The following NALCN variants were observed in gnomAD, a reference collection of about 807,000 sequenced individuals.
NALCN encodes the protein sodium leak channel, non-selective.
In NALCN, 111 loss-of-function variants were observed where a neutral mutation model predicts 225.3. The observed-to-expected ratio is 0.49, with a 90% CI of 0.42 to 0.58. NALCN has a LOEUF of 0.58. Ranked by LOEUF, NALCN falls within the 20% of genes least tolerant of loss-of-function variation. The pLI, the probability that NALCN is intolerant of heterozygous loss-of-function variation, is 0.00. For synonymous variants in NALCN, 764 were observed against 769.0 expected, an observed-to-expected ratio of 0.99 and a Z score of 0.11; for missense variants, 1,378 against 2,202.4, an observed-to-expected ratio of 0.63 and a Z score of 7.49.
intron 13 of NALCN, among the ~76,000 whole-genome samples, chr13:101,225,051 C>G (rs903885179): frequency 1.3e-5 from 2 of 152,172 alleles, no homozygotes; most frequent in Admixed American, 6.5e-5. Context: ...TGCGCTGCCC[C>G]TGGTGCCCAA....
intron 7 of NALCN, among the ~76,000 whole-genome samples, chr13:101,313,335 AT>A (rs1310018247): frequency 1.3e-5 from 2 of 152,220 alleles, no homozygotes; most frequent in Non-Finnish European, 1.5e-5. Flanking sequence ...GACAAATGGG[AT>A]TTAATTAAAC....
At chr13:101,160,290 A>G (rs1441529630) in intron 15 of NALCN, among the ~76,000 whole-genome samples, 2 of 152,050 alleles carry the variant, frequency 1.3e-5, no homozygotes, top group Non-Finnish European at 2.9e-5. Flanking sequence ...GTCCCTTCTA[A>G]ATTTCCTTCC....
intron 7 of NALCN, among the ~76,000 whole-genome samples, chr13:101,337,300 A>T (rs1456399393): frequency 6.7e-6 from 1 of 149,074 alleles, no homozygotes; most frequent in Non-Finnish European, 1.5e-5. Flanking sequence ...TTATTTATTT[A>T]TTTATTTATT....
chr13:101,351,231 G>A (rs571602331), intron 6 of NALCN, among the ~76,000 whole-genome samples: 82 of 152,220 alleles, frequency 5.4e-4, no homozygotes, highest in African/African-American at 1.8e-3. Flanking sequence ...GCACTTTTAA[G>A]TGTAATAATC....
intron 6 of NALCN, among the ~76,000 whole-genome samples, chr13:101,346,087 C>CTCTCTCTATATATA: frequency 1.5e-3 from 109 of 70,944 alleles, no homozygotes; most frequent in East Asian, 4.6e-3. Context: ...CTCTCTCTCT[C>CTCTCTCTATATATA]TATATATATA....
At chr13:101,363,379 A>G (rs2046300089) in intron 6 of NALCN, among the ~76,000 whole-genome samples, 1 of 152,098 alleles carries the variant, frequency 6.6e-6, no homozygotes, top group East Asian at 1.9e-4. Context: ...TGGTACTGGT[A>G]AAAAAACAGA....
intron 10 of NALCN, among the ~76,000 whole-genome samples, chr13:101,261,174 G>A (rs762733078): frequency 8.5e-5 from 13 of 152,258 alleles, no homozygotes; most frequent in Non-Finnish European, 1.2e-4. Flanking sequence ...GTTCACTGTA[G>A]GTGTGTGGAT....
intron 3 of NALCN, among the ~76,000 whole-genome samples, chr13:101,384,230 C>G (rs1203619173): frequency 6.6e-6 from 1 of 151,956 alleles, no homozygotes; most frequent in African/African-American, 2.4e-5. Context: ...ATTTTAACAC[C>G]TTAAATATGA....
intron 7 of NALCN, among the ~76,000 whole-genome samples, chr13:101,324,907 T>A (rs973664156): frequency 1.3e-5 from 2 of 152,214 alleles, no homozygotes; most frequent in Non-Finnish European, 2.9e-5. Context: ...ATATTGGCTG[T>A]GGTTTTGTCA....
intron 7 of NALCN, among the ~76,000 whole-genome samples, chr13:101,317,419 A>T (rs914156431): frequency 6.6e-6 from 1 of 152,178 alleles, no homozygotes; most frequent in African/African-American, 2.4e-5. Context: ...GCCAATCTCC[A>T]TCTGAAAAGT....
At chr13:101,353,982 C>T (rs1566608344) in intron 6 of NALCN, among the ~76,000 whole-genome samples, 1 of 152,128 alleles carries the variant, frequency 6.6e-6, no homozygotes, top group Non-Finnish European at 1.5e-5. Flanking sequence ...GTGCACCTGA[C>T]AGAAGCCAGA....
chr13:101,389,740 C>T (rs539851446), intron 3 of NALCN, among the ~76,000 whole-genome samples: 72 of 152,296 alleles, frequency 4.7e-4, no homozygotes, highest in Admixed American at 7.8e-4. Context: ...ACCAAACAAA[C>T]GGATCATGAT....
At chr13:101,246,076 ATC>A (rs1482119439) in intron 11 of NALCN, among the ~76,000 whole-genome samples, 1 of 152,040 alleles carries the variant, frequency 6.6e-6, no homozygotes, top group Non-Finnish European at 1.5e-5. Flanking sequence ...CTTTCAATAA[ATC>A]TCTGCTTTCC....
chr13:101,216,933 T>G (rs919079365), intron 13 of NALCN, among the ~76,000 whole-genome samples: 11 of 152,170 alleles, frequency 7.2e-5, no homozygotes, highest in African/African-American at 2.7e-4. Context: ...AAATAAATCA[T>G]ACTAAAATTT....
intron 36 of NALCN, among the ~76,000 whole-genome samples, 165 bp from the exon 37 acceptor site, chr13:101,073,842 C>G (rs1594145302): frequency 6.6e-6 from 1 of 152,042 alleles, no homozygotes; most frequent in Admixed American, 6.6e-5. Flanking sequence ...TTTATACTTG[C>G]CTCCAAGTAT....
intron 7 of NALCN, among the ~76,000 whole-genome samples, chr13:101,332,397 C>CAAAAAAAAAAAAAAAA (rs753158247): frequency 2.6e-4 from 15 of 57,820 alleles, no homozygotes; most frequent in African/African-American, 4.6e-4. Flanking sequence ...TTCACAAAGC[C>CAAAAAAAAAAAAAAAA]AAAAAAAAAA....
At chr13:101,213,684 C>T (rs947178863) in intron 13 of NALCN, among the ~76,000 whole-genome samples, 5 of 152,274 alleles carry the variant, frequency 3.3e-5, no homozygotes, top group Admixed American at 1.3e-4. Flanking sequence ...CCAAAAGACA[C>T]ATGAAAAAAT....
Position 101,377,018 on chromosome 13 carries a change from A to G in NALCN, c.414T>C (p.Pro138=). The G allele has an allele frequency of 6.2e-7, 1 of 1,614,184 alleles. No homozygotes were observed. The highest frequency in any genetic ancestry group is 1.3e-5 in the African/African-American group (1 of 75,050). The change falls in exon 5 of 44, where the codon CCT becomes CCC. Residue 138 remains proline, a synonymous_variant. Transcript: ENST00000251127. ...GCCGTGGAATCCGCAACATGCCCCAAGGTGACATCTGATCAACTATATCAG... is the reference window on the plus strand; with the variant it reads ...GCCGTGGAATCCGCAACATGCCCCAGGGTGACATCTGATCAACTATATCAG... The part of the protein sequence containing the change: ...EIADIVDQMS[P]WGMLRIPRPL...
At chr13:101,236,883 G>A (rs1006126777) in intron 12 of NALCN, among the ~76,000 whole-genome samples, 2 of 150,234 alleles carry the variant, frequency 1.3e-5, no homozygotes, top group African/African-American at 4.9e-5. Flanking sequence ...CCTGCACATT[G>A]TGCACATGTA....
Sources: gnomAD v4.1 joint callset for allele counts (sites outside exome capture counted in the v4.1 genomes callset) on GRCh38, gnomAD v4.1.1 for gene constraint, MANE v1.5 for transcripts, NCBI Gene and HGNC (gene_info 2026-07-23, HGNC 2026-07-21) for gene names.